The following POMT2 variants were observed in gnomAD, a reference collection of about 807,000 sequenced individuals.
The protein encoded by POMT2 is protein O-mannosyl-transferase 2.
A neutral mutation model predicts 100.0 loss-of-function variants in POMT2; 75 were observed. The observed-to-expected ratio is 0.75, with a 90% CI of 0.62 to 0.91. The LOEUF is 0.91. Ranked by LOEUF, POMT2 falls within the 40% of genes least tolerant of loss-of-function variation. POMT2 has a pLI of 0.00. For missense variants in POMT2, 940 were observed against 955.1 expected, an observed-to-expected ratio of 0.98 and a Z score of 0.21; for synonymous variants, 378 against 374.1, an observed-to-expected ratio of 1.01 and a Z score of -0.12.
At chr14:77,280,124 C>G (rs1189795653) in intron 16 of POMT2, 44 bp from the exon 17 acceptor site, 1 of 1,613,350 alleles carries the variant, frequency 6.2e-7, no homozygotes, top group Non-Finnish European at 8.5e-7. Context: ...CCAGCCCATC[C>G]TCGGCCACAC....
intron 2 of POMT2, chr14:77,308,609 G>T: frequency 6.7e-6 from 2 of 299,568 alleles, no homozygotes; most frequent in South Asian, 5.3e-5. Context: ...GCCCGCCTCG[G>T]CTTCCCAATG....
chr14:77,305,801 C>T (rs1235406301), intron 3 of POMT2, among the ~76,000 whole-genome samples: 1 of 152,228 alleles, frequency 6.6e-6, no homozygotes, highest in Non-Finnish European at 1.5e-5. Context: ...AGAGGGACTG[C>T]AGCAGACATT....
chr14:77,306,238 A>G (rs1891225043), intron 3 of POMT2, 99 bp downstream of exon 3: 2 of 1,559,516 alleles, frequency 1.3e-6, no homozygotes, highest in Admixed American at 1.9e-5. Context: ...AAGTCCCTTT[A>G]TTTGCACCTG....
chr14:77,320,687 C>A lies in POMT2; in HGVS notation c.-6G>T. 1 of 1,593,242 alleles carries A rather than the reference C, an allele frequency of 6.3e-7. No individual in the cohort carries two copies. Among genetic ancestry groups the A allele is most frequent in the Non-Finnish European group, 8.5e-7 (1 of 1,178,084 alleles). ...CCGCCCGTGGCCGGCGGCATCTTCC[C>A]CCTCCTCTGGGTCGCCCTCCGGCCC... On this transcript the variant is annotated 5_prime_UTR_variant, in exon 1 of 21. Coordinates refer to ENST00000261534, the MANE Select transcript of POMT2 (RefSeq NM_013382.7).
chr14:77,301,329 CT>C, intron 5 of POMT2, 80 bp from the exon 6 acceptor site: 1 of 1,565,848 alleles, frequency 6.4e-7, no homozygotes, highest in East Asian at 2.2e-5. Flanking sequence ...CAGGGCAGTT[CT>C]CAGACTTGGA....
rs564931529 is a variant in POMT2, at chr14:77,280,659, C to T, written c.1654-196G>A. 5.9e-5 allele frequency among the ~76,000 whole-genome samples: 9 copies of T among 152,172 alleles called. No homozygotes were observed. The South Asian group carries it at 1.7e-3, about 28-fold the overall frequency. ...TGCTTTACTTCTCCCAGACAAGCCT[C>T]CATCTCCCATAAGGGGTCCATTCCA... On this transcript the variant is annotated intron_variant, in intron 15 of 20. Coordinates refer to ENST00000261534, the MANE Select transcript of POMT2 (RefSeq NM_013382.7).
Position 77,304,817 on chromosome 14 carries a change from GAAGCTGTCAAATAAC to G in POMT2, c.439-32_439-18del. ...TGCACAGAACTGTGGGAGGAATAGA[GAAGCTGTCAAATAAC>G]AAGCTGAGCTAGGTCAGCGACCTAC... On this transcript the variant is annotated intron_variant, in intron 3 of 20. Coordinates refer to ENST00000261534, the MANE Select transcript of POMT2 (RefSeq NM_013382.7). 1 of 1,570,716 alleles carries G rather than the reference GAAGCTGTCAAATAAC, an allele frequency of 6.4e-7. No individual in the cohort carries two copies. Among genetic ancestry groups the G allele is most frequent in the Non-Finnish European group, 8.6e-7 (1 of 1,157,454 alleles).
intron 1 of POMT2, among the ~76,000 whole-genome samples, chr14:77,313,898 G>A (rs1891531891): frequency 6.6e-6 from 1 of 152,042 alleles, no homozygotes; most frequent in Non-Finnish European, 1.5e-5. Context: ...AGTAGAGATG[G>A]GGTTTCACCA....
At chr14:77,279,061 T>A in intron 18 of POMT2, 192 bp from the exon 19 acceptor site, 1 of 758,448 alleles carries the variant, frequency 1.3e-6, no homozygotes, top group Non-Finnish European at 2.2e-6. Context: ...GGGCCCAGCC[T>A]AGTGAGGCCT....
rs143832366 is a variant in POMT2 at position 77,320,742 on chromosome 14, C to G, written c.-61G>C. 1 of 1,568,534 alleles carries G rather than the reference C, an allele frequency of 6.4e-7. No individual in the cohort carries two copies. Among genetic ancestry groups the G allele is most frequent in the Non-Finnish European group, 8.6e-7 (1 of 1,167,088 alleles). ...GCACACTTTGTCTGACCAGCCGCCC[C>G]GCCAAGGAGTCACAAGAGGGCAGCT... On this transcript the variant is annotated 5_prime_UTR_variant, in exon 1 of 21. Coordinates refer to ENST00000261534, the MANE Select transcript of POMT2 (RefSeq NM_013382.7).
At chr14:77,290,859 A>T (rs1452701991) in intron 10 of POMT2, among the ~76,000 whole-genome samples, 1 of 152,206 alleles carries the variant, frequency 6.6e-6, no homozygotes, top group African/African-American at 2.4e-5. Context: ...TGACTGACTC[A>T]GGCCAGGGCT....
At chr14:77,284,054 A>T (rs1890329056) in intron 14 of POMT2, 181 bp from the exon 15 acceptor site, 14 of 662,006 alleles carry the variant, frequency 2.1e-5, no homozygotes, top group South Asian at 2.1e-4. Context: ...TGAAGAACTC[A>T]TCAGGCATTC....
intron 8 of POMT2, 107 bp downstream of exon 8, chr14:77,298,582 G>T: frequency 8.6e-7 from 1 of 1,160,886 alleles, no homozygotes; most frequent in Non-Finnish European, 1.3e-6. Flanking sequence ...CTCCCACCGT[G>T]CCATCACAGG....
chr14:77,279,754 G>A lies in POMT2; in HGVS notation c.1891+69C>T, dbSNP rs187793330. 71 of 1,482,350 alleles carry A rather than the reference G, an allele frequency of 4.8e-5. No homozygotes were observed. The East Asian group carries it at 1.1e-3, about 23-fold the overall frequency. 91.8% of individuals were successfully genotyped at this position (1,482,350 alleles called of 1,614,324 possible). A position where few individuals can be genotyped will look rare whatever the true frequency, so the allele number is the denominator to read the frequency against. ...AAGGATGGCCCATCAGCAGGCAGCC[G>A]GCCCTCCCCAGGGGTGCAGGTGCCC... is the stretch of plus-strand genomic sequence containing the variant. On this transcript the variant is annotated intron_variant, in intron 18 of 20. Coordinates refer to ENST00000261534, the MANE Select transcript of POMT2 (RefSeq NM_013382.7).
chr14:77,311,004 G>A (rs1464155053), intron 2 of POMT2, among the ~76,000 whole-genome samples: 1 of 152,148 alleles, frequency 6.6e-6, no homozygotes, highest in East Asian at 1.9e-4. Flanking sequence ...GTGGTGGCGG[G>A]CGCCTGTAAT....
rs778052789 is a variant in POMT2, at chr14:77,284,988, T to C, written c.1538A>G (p.Asn513Ser). 2 of 1,613,490 alleles carry C rather than the reference T, an allele frequency of 1.2e-6. No individual in the cohort carries two copies. The highest frequency in any genetic ancestry group is 3.3e-5 in the Admixed American group (2 of 60,014). ...ATGGTCCTCCACATTCCAGATGGAG[T>C]TGAGGGTTTCTTTCAGGTATGGGGT... Reference protein sequence around the residue: ...TCTPYLKETLNSIWNVEDHIN... With the variant: ...TCTPYLKETLSSIWNVEDHIN... Residue 513 changes from asparagine to serine, a missense_variant, in exon 14 of 21, where the codon AAC (asparagine) becomes AGC (serine). Coordinates refer to ENST00000261534, the MANE Select transcript of POMT2 (RefSeq NM_013382.7).
intron 11 of POMT2, chr14:77,287,573 T>G (rs1346036874): frequency 7.4e-6 from 1 of 135,348 alleles, no homozygotes; most frequent in African/African-American, 2.7e-5. Flanking sequence ...CCCACACACA[T>G]ACACACCTCT....
chr14:77,299,600 G>A, intron 6 of POMT2, 39 bp from the exon 7 acceptor site: 1 of 1,463,170 alleles, frequency 6.8e-7, no homozygotes, highest in East Asian at 2.3e-5. Flanking sequence ...AGGCATGTGA[G>A]ACCTCATTAT....
intron 1 of POMT2, 42 bp downstream of exon 1, chr14:77,320,392 C>G (rs371221448): frequency 1.9e-6 from 3 of 1,543,582 alleles, no homozygotes; most frequent in South Asian, 2.4e-5. Flanking sequence ...GGCGTCCCGT[C>G]GCGGTTGCCA....
Sources: allele counts gnomAD v4.1 joint callset (sites outside exome capture counted in the v4.1 genomes callset), GRCh38; gene constraint gnomAD v4.1.1; transcripts MANE v1.5; gene names NCBI Gene and HGNC (gene_info 2026-07-23, HGNC 2026-07-21).